Variants in FALEC observed in about 807,000 individuals in gnomAD.
FALEC encodes focally amplified lncRNA on chromosome 1.
chr1:150,522,669 C>G (rs35839143), downstream of FALEC, among the ~76,000 whole-genome samples: 1 of 150,640 alleles, frequency 6.6e-6, no homozygotes. Flanking sequence ...AACACAGTAG[C>G]CACCAGCCAC....
intron 1 of FALEC, among the ~76,000 whole-genome samples, chr1:150,517,350 T>A (rs984001940): frequency 1.3e-5 from 2 of 151,470 alleles, no homozygotes; most frequent in African/African-American, 4.8e-5. Context: ...GGACTTTTTT[T>A]AAAAGCTCTT....
downstream of FALEC, among the ~76,000 whole-genome samples, chr1:150,522,926 C>CGTGT (rs1168202877): frequency 8.8e-4 from 37 of 42,262 alleles, 4 homozygotes; most frequent in African/African-American, 4.2e-3. Flanking sequence ...TATATATATA[C>CGTGT]ATATATATGT....
chr1:150,527,775 G>A, the FALEC span, among the ~76,000 whole-genome samples: 5 of 152,014 alleles, frequency 3.3e-5, no homozygotes, highest in Non-Finnish European at 7.4e-5. Context: ...GCTTGAACCC[G>A]AGAGGCGGAG....
the FALEC span, among the ~76,000 whole-genome samples, chr1:150,533,648 G>C: frequency 2.6e-5 from 4 of 151,906 alleles, no homozygotes; most frequent in Admixed American, 2.0e-4. Context: ...TGTTGGCCAG[G>C]CTGGTCTCAA....
At chr1:150,517,630 C>T (rs1440833696) in intron 1 of FALEC, 2 of 152,272 alleles carry the variant, frequency 1.3e-5, no homozygotes, top group African/African-American at 4.8e-5. Context: ...CTGTGAGATA[C>T]AAGAAGTTGG....
chr1:150,534,679 T>C, the FALEC span, among the ~76,000 whole-genome samples: 1 of 151,930 alleles, frequency 6.6e-6, no homozygotes, highest in Non-Finnish European at 1.5e-5. Context: ...CCGTCTGTAC[T>C]AAAAATACAA....
chr1:150,522,930 T>TATATAA (rs1234819411), downstream of FALEC, among the ~76,000 whole-genome samples: 1 of 14,918 alleles, frequency 6.7e-5, no homozygotes, highest in Non-Finnish European at 1.1e-4. Context: ...TATATACATA[T>TATATAA]ATATGTGTGT....
At chr1:150,528,271 A>G in the FALEC span, among the ~76,000 whole-genome samples, 1 of 152,156 alleles carries the variant, frequency 6.6e-6, no homozygotes, top group South Asian at 2.1e-4. Flanking sequence ...TATAACTGAG[A>G]GAGAAGTGAA....
At chr1:150,523,113 G>A in the FALEC span, among the ~76,000 whole-genome samples, 2 of 140,602 alleles carry the variant, frequency 1.4e-5, no homozygotes, top group African/African-American at 5.3e-5. Flanking sequence ...TCAGCCTCCT[G>A]AGTAGCTGGG....
chr1:150,535,227 T>G, the FALEC span, among the ~76,000 whole-genome samples: 1 of 152,180 alleles, frequency 6.6e-6, no homozygotes, highest in Non-Finnish European at 1.5e-5. Context: ...AGTATTTTTA[T>G]GCCAAATCTT....
the FALEC span, among the ~76,000 whole-genome samples, chr1:150,529,026 A>AAAAAAAAAAAAAAAAAAAT: frequency 6.6e-6 from 1 of 150,630 alleles, no homozygotes; most frequent in Non-Finnish European, 1.5e-5. Context: ...CAAAAAAAAA[A>AAAAAAAAAAAAAAAAAAAT]AAAAAAAAAA....
chr1:150,522,089 A>T (rs1223838274), downstream of FALEC, among the ~76,000 whole-genome samples: 1 of 152,052 alleles, frequency 6.6e-6, no homozygotes, highest in Non-Finnish European at 1.5e-5. Context: ...TACTAAAAAT[A>T]CAAAAAAATT....
At chr1:150,520,716 C>G (rs1009316771), downstream of FALEC, among the ~76,000 whole-genome samples, 3 of 145,928 alleles carry the variant, frequency 2.1e-5, no homozygotes, top group Non-Finnish European at 4.5e-5. Context: ...GCATGTCTGA[C>G]TTTTTAAATA....
the FALEC span, among the ~76,000 whole-genome samples, chr1:150,532,206 C>T: frequency 9.2e-5 from 14 of 152,222 alleles, no homozygotes; most frequent in African/African-American, 3.4e-4. Flanking sequence ...CGCACCCGGC[C>T]AGCCTTTGCT....
chr1:150,516,275 G>A (rs587689941), intron 1 of FALEC, among the ~76,000 whole-genome samples: 215 of 152,190 alleles, frequency 1.4e-3, no homozygotes, highest in Non-Finnish European at 2.7e-3. Flanking sequence ...GGGGGGCTTT[G>A]GTCTGTGCAG....
the FALEC span, among the ~76,000 whole-genome samples, chr1:150,532,986 C>T: frequency 2.6e-5 from 4 of 152,254 alleles, no homozygotes; most frequent in East Asian, 3.9e-4. Flanking sequence ...GGAACAGCTT[C>T]GGCAAAGACC....
downstream of FALEC, among the ~76,000 whole-genome samples, chr1:150,522,983 A>ATT (rs1174052488): frequency 3.8e-4 from 6 of 15,918 alleles, no homozygotes; most frequent in Non-Finnish European, 4.9e-4. Flanking sequence ...ATATATATAT[A>ATT]TTTTTTTTTT....
downstream of FALEC, among the ~76,000 whole-genome samples, chr1:150,521,090 C>T (rs1478104289): frequency 6.6e-6 from 1 of 152,136 alleles, no homozygotes; most frequent in East Asian, 1.9e-4. Context: ...CGTGAGCCAC[C>T]ACGCCCGGCC....
the FALEC span, among the ~76,000 whole-genome samples, chr1:150,527,774 C>T: frequency 1.3e-4 from 20 of 152,100 alleles, no homozygotes; most frequent in Admixed American, 3.9e-4. Context: ...CGCTTGAACC[C>T]GAGAGGCGGA....
Sources: allele counts gnomAD v4.1 joint callset (sites outside exome capture counted in the v4.1 genomes callset), GRCh38; gene constraint gnomAD v4.1.1; transcripts MANE v1.5; gene names NCBI Gene and HGNC (gene_info 2026-07-23, HGNC 2026-07-21).